The following GRID2 variants were observed in gnomAD, a reference collection of about 807,000 sequenced individuals.
The protein encoded by GRID2 is glutamate receptor ionotropic, delta-2.
In GRID2, 33 loss-of-function variants were observed where a neutral mutation model predicts 114.8. That is an observed-to-expected ratio of 0.29 (90% CI 0.22 to 0.38). The LOEUF is 0.38. Ranked by LOEUF, GRID2 falls within the 10% of genes least tolerant of loss-of-function variation. The pLI, the probability that GRID2 is intolerant of heterozygous loss-of-function variation, is 1.00. For missense variants in GRID2, 1,184 were observed against 1,257.7 expected, an observed-to-expected ratio of 0.94 and a Z score of 0.89; for synonymous variants, 505 against 449.9, an observed-to-expected ratio of 1.12 and a Z score of -1.55.
chr4:92,947,407 T>G (rs1167710640), intron 2 of GRID2, among the ~76,000 whole-genome samples: 2 of 151,962 alleles, frequency 1.3e-5, no homozygotes, highest in Non-Finnish European at 2.9e-5. Flanking sequence ...GTATGTATCA[T>G]TGGCTGAAAT....
chr4:92,735,992 C>G (rs1314147896), intron 2 of GRID2, among the ~76,000 whole-genome samples: 1 of 151,960 alleles, frequency 6.6e-6, no homozygotes, highest in Non-Finnish European at 1.5e-5. Flanking sequence ...AGAAAAAGCC[C>G]CCCCAAAGAT....
intron 8 of GRID2, among the ~76,000 whole-genome samples, chr4:93,393,836 C>T (rs969473442): frequency 6.6e-6 from 1 of 151,938 alleles, no homozygotes; most frequent in Non-Finnish European, 1.5e-5. Flanking sequence ...AATAGGTTCA[C>T]CAAAGTTAAG....
intron 1 of GRID2, among the ~76,000 whole-genome samples, chr4:92,587,170 C>T (rs1728494327): frequency 6.8e-6 from 1 of 147,042 alleles, no homozygotes; most frequent in African/African-American, 2.5e-5. Flanking sequence ...TTTATATTGA[C>T]AGGTCTAATC....
chr4:93,437,982 A>T (rs544921448), intron 10 of GRID2, among the ~76,000 whole-genome samples: 1 of 152,270 alleles, frequency 6.6e-6, no homozygotes, highest in South Asian at 2.1e-4. Context: ...AACGAGAGAG[A>T]TGGAGGGAGA....
intron 2 of GRID2, among the ~76,000 whole-genome samples, chr4:93,061,592 AG>A (rs1279077487): frequency 6.6e-6 from 1 of 152,142 alleles, no homozygotes; most frequent in African/African-American, 2.4e-5. Flanking sequence ...TGTACCATAA[AG>A]GGCTGAATTA....
chr4:93,252,648 T>C (rs1398318713), intron 8 of GRID2, among the ~76,000 whole-genome samples: 4 of 152,188 alleles, frequency 2.6e-5, no homozygotes, highest in African/African-American at 9.6e-5. Flanking sequence ...ATCTGTAAAT[T>C]ACTTTGGGCA....
intron 2 of GRID2, among the ~76,000 whole-genome samples, chr4:92,688,382 G>A (rs201537313): frequency 1.9e-4 from 29 of 151,914 alleles, no homozygotes; most frequent in East Asian, 1.5e-3. Context: ...TCTCTGTAGC[G>A]TATAATGCTG....
chr4:93,427,889 T>TA (rs1769009234), intron 10 of GRID2, among the ~76,000 whole-genome samples: 1 of 152,084 alleles, frequency 6.6e-6, no homozygotes, highest in Non-Finnish European at 1.5e-5. Flanking sequence ...AAATGAGAGA[T>TA]ATCTTCTGCC....
intron 13 of GRID2, among the ~76,000 whole-genome samples, chr4:93,597,519 T>C (rs1290848768): frequency 6.6e-6 from 1 of 152,204 alleles, no homozygotes; most frequent in East Asian, 1.9e-4. Context: ...ACCAATAGAA[T>C]GAATTTTAAT....
At chr4:92,531,757 T>A (rs571181085) in intron 1 of GRID2, among the ~76,000 whole-genome samples, 1 of 151,890 alleles carries the variant, frequency 6.6e-6, no homozygotes, top group South Asian at 2.1e-4. Flanking sequence ...ACCATAGCTA[T>A]GACAGATTTT....
At chr4:93,449,370 A>G (rs557300382) in intron 10 of GRID2, among the ~76,000 whole-genome samples, 8 of 152,204 alleles carry the variant, frequency 5.3e-5, no homozygotes, top group Admixed American at 4.6e-4. Flanking sequence ...AAAACATGAA[A>G]AACAGAGGTG....
chr4:92,611,666 C>T (rs948474958), intron 2 of GRID2, among the ~76,000 whole-genome samples: 1 of 151,508 alleles, frequency 6.6e-6, no homozygotes, highest in African/African-American at 2.4e-5. Flanking sequence ...TTTCACATTC[C>T]CACCAATTTC....
At chr4:92,502,965 C>T (rs1723762898) in intron 1 of GRID2, among the ~76,000 whole-genome samples, 1 of 151,908 alleles carries the variant, frequency 6.6e-6, no homozygotes. Context: ...ATCAGCCCAC[C>T]TTAGCTTCCC....
At chr4:92,420,482 G>A (rs979820950) in intron 1 of GRID2, among the ~76,000 whole-genome samples, 1 of 152,114 alleles carries the variant, frequency 6.6e-6, no homozygotes, top group Non-Finnish European at 1.5e-5. Flanking sequence ...AAAAGGGAGA[G>A]CACATGCTTG....
intron 1 of GRID2, among the ~76,000 whole-genome samples, chr4:93,794,239 GA>G (rs1734752186): frequency 6.6e-6 from 1 of 152,156 alleles, no homozygotes; most frequent in South Asian, 2.1e-4. Flanking sequence ...TATTTCCAGG[GA>G]GACAGGGCAG....
chr4:92,908,023 C>T (rs1748091433), intron 2 of GRID2, among the ~76,000 whole-genome samples: 1 of 151,964 alleles, frequency 6.6e-6, no homozygotes, highest in Non-Finnish European at 1.5e-5. Context: ...AACTCCATCT[C>T]AAACAAAACA....
chr4:93,197,139 A>G (rs1254414748), intron 4 of GRID2, among the ~76,000 whole-genome samples: 1 of 152,182 alleles, frequency 6.6e-6, no homozygotes, highest in Non-Finnish European at 1.5e-5. Flanking sequence ...AAGTTAACAC[A>G]GTGGAGTATA....
intron 13 of GRID2, among the ~76,000 whole-genome samples, chr4:93,592,704 A>G (rs1738522265): frequency 6.6e-6 from 1 of 152,094 alleles, no homozygotes; most frequent in Non-Finnish European, 1.5e-5. Context: ...GTCTCTTTGT[A>G]GGTCACTCAG....
rs554663844 is a variant in GRID2, at chr4:93,423,336, CTTTTTTTTTTTTT to C, written c.1545+385_1545+397del. ...GCAATTTGTACTATTTTTTTTCTTTCTTTTTTTTTTTTTTTTTTTTTTTTTTTTTGAGACAGAG... is the reference window on the plus strand; with the variant it reads ...GCAATTTGTACTATTTTTTTTCTTTCTTTTTTTTTTTTTTTTGAGACAGAG... On this transcript the variant is annotated intron_variant, in intron 10 of 15. Coordinates refer to ENST00000282020, the MANE Select transcript of GRID2 (RefSeq NM_001510.4). Among the ~76,000 whole-genome samples the C allele has an allele frequency of 6.8e-5, 5 of 73,568 alleles. 1 individual carries two copies. Among genetic ancestry groups the C allele is most frequent in the South Asian group, 6.8e-4 (1 of 1,474 alleles). The allele number at this position is 73,568 out of a possible 152,430, so 48.3% of individuals were successfully genotyped here.
Sources: allele counts gnomAD v4.1 joint callset (sites outside exome capture counted in the v4.1 genomes callset), GRCh38; gene constraint gnomAD v4.1.1; transcripts MANE v1.5; gene names NCBI Gene and HGNC (gene_info 2026-07-23, HGNC 2026-07-21).